Variants in CDH10 observed in about 807,000 individuals in gnomAD.
The protein encoded by CDH10 is cadherin 10, also known as cadherin-10.
In CDH10, 30 loss-of-function variants were observed where a neutral mutation model predicts 73.1. The ratio of observed to expected loss-of-function variants is 0.41; its 90% CI spans 0.31 to 0.56. CDH10 has a LOEUF of 0.56. Ranked by LOEUF, CDH10 falls within the 20% of genes least tolerant of loss-of-function variation. The probability of loss-of-function intolerance (pLI) is 0.27; values close to 1 mark genes in which losing one functional copy is unlikely to be tolerated. For missense variants in CDH10, 815 were observed against 973.7 expected (o/e 0.84, Z 2.17); for synonymous variants, 345 against 348.2 (o/e 0.99, Z 0.10).
intron 2 of CDH10, among the ~76,000 whole-genome samples, chr5:24,573,112 T>C (rs1745457070): frequency 6.6e-6 from 1 of 151,668 alleles, no homozygotes; most frequent in South Asian, 2.1e-4. Context: ...TATGAGTTCA[T>C]AGAAGATAGT....
intron 1 of CDH10, among the ~76,000 whole-genome samples, chr5:24,643,720 G>T: frequency 6.6e-6 from 1 of 152,090 alleles, no homozygotes; most frequent in East Asian, 1.9e-4. Flanking sequence ...TGTACCTGTA[G>T]ACTCCCCTTT....
intron 5 of CDH10, among the ~76,000 whole-genome samples, chr5:24,523,502 GA>G (rs1043009657): frequency 6.6e-6 from 1 of 151,716 alleles, no homozygotes; most frequent in African/African-American, 2.4e-5. Flanking sequence ...CAAAACAAAA[GA>G]AAAAAACATT....
intron 11 of CDH10, among the ~76,000 whole-genome samples, chr5:24,490,643 A>G (rs1742019777): frequency 6.6e-6 from 1 of 152,116 alleles, no homozygotes; most frequent in Admixed American, 6.6e-5. Context: ...TCAAATAAAG[A>G]ACGTGGAAAT....
At chr5:24,536,780 G>C (rs936888966) in intron 3 of CDH10, among the ~76,000 whole-genome samples, 1 of 151,694 alleles carries the variant, frequency 6.6e-6, no homozygotes, top group African/African-American at 2.4e-5. Flanking sequence ...TGGTAATTCT[G>C]TATCAGTATG....
At chr5:24,635,345 A>T (rs1302534023) in intron 1 of CDH10, among the ~76,000 whole-genome samples, 1 of 152,000 alleles carries the variant, frequency 6.6e-6, no homozygotes, top group African/African-American at 2.4e-5. Context: ...ACATTACTGC[A>T]GTGTATTCAG....
intron 2 of CDH10, among the ~76,000 whole-genome samples, chr5:24,540,920 T>C (rs993115431): frequency 6.6e-6 from 1 of 151,922 alleles, no homozygotes; most frequent in African/African-American, 2.4e-5. Context: ...AATGAGATTA[T>C]GTGGATAATC....
rs760251937 is a variant in CDH10, at chr5:24,487,846, G to A, written c.2184C>T (p.Pro728=). 4 of 1,613,736 alleles carry A rather than the reference G, an allele frequency of 2.5e-6. No individual in the cohort carries two copies. The highest frequency in any genetic ancestry group is 1.3e-5 in the African/African-American group (1 of 74,876). ...CATAGGTTGCAAGTGAGTCGTAGGG[G>A]GGTGCGGTGGGGTCAAGATCATGCT... ...LKEHDLDPTA[P]PYDSLATYAY... Residue 728 remains proline (P), a synonymous_variant, in exon 12 of 12, where the codon CCC becomes CCT. Transcript: ENST00000264463.
chr5:24,577,283 A>C (rs13182163), intron 2 of CDH10, among the ~76,000 whole-genome samples: 1 of 151,952 alleles, frequency 6.6e-6, no homozygotes, highest in Non-Finnish European at 1.5e-5. Flanking sequence ...AAAGTACTAA[A>C]GTAACTGAAA....
chr5:24,519,997 T>G (rs1743256118), intron 5 of CDH10, among the ~76,000 whole-genome samples: 1 of 152,184 alleles, frequency 6.6e-6, no homozygotes, highest in African/African-American at 2.4e-5. Context: ...CCTCCCTGTG[T>G]GTTCACTTGG....
chr5:24,516,328 T>G (rs1743107196), intron 5 of CDH10, among the ~76,000 whole-genome samples: 1 of 152,166 alleles, frequency 6.6e-6, no homozygotes, highest in Non-Finnish European at 1.5e-5. Flanking sequence ...GTTACCATTT[T>G]TTTCATAATT....
intron 1 of CDH10, among the ~76,000 whole-genome samples, chr5:24,620,240 T>G (rs1355117535): frequency 6.6e-6 from 1 of 152,178 alleles, no homozygotes; most frequent in Non-Finnish European, 1.5e-5. Context: ...CTGACGTCCT[T>G]TTGTGAGCTC....
intron 8 of CDH10, among the ~76,000 whole-genome samples, chr5:24,503,539 C>T (rs1742574585): frequency 6.6e-6 from 1 of 152,158 alleles, no homozygotes; most frequent in African/African-American, 2.4e-5. Context: ...TTTCATTTTA[C>T]AATAGGCCCC....
intron 2 of CDH10, among the ~76,000 whole-genome samples, chr5:24,568,100 CTGTT>C (rs1463019722): frequency 1.3e-5 from 2 of 152,106 alleles, no homozygotes; most frequent in African/African-American, 4.8e-5. Context: ...ATCCACAAGA[CTGTT>C]TGCCTGAATT....
chr5:24,532,479 T>G (rs973694661), intron 5 of CDH10, among the ~76,000 whole-genome samples: 4 of 152,054 alleles, frequency 2.6e-5, no homozygotes, highest in Non-Finnish European at 5.9e-5. Flanking sequence ...TGAAAATTAC[T>G]GGGACTCACA....
intron 1 of CDH10, among the ~76,000 whole-genome samples, chr5:24,599,754 A>G (rs1024526231): frequency 2.6e-5 from 4 of 152,186 alleles, no homozygotes; most frequent in African/African-American, 9.6e-5. Flanking sequence ...GGATAAGCAC[A>G]GGAATCATAA....
Position 24,498,437 on chromosome 5 carries a change from G to A in CDH10, c.1476C>T (p.Phe492=), listed in dbSNP as rs2111683641. 4 of 1,603,810 alleles carry A rather than the reference G, an allele frequency of 2.5e-6. No individual in the cohort carries two copies. The highest frequency in any genetic ancestry group is 3.4e-6 in the Non-Finnish European group (4 of 1,170,886). Residue 492 remains phenylalanine (F), a synonymous_variant, in exon 9 of 12, where the codon TTC becomes TTT. Transcript: ENST00000264463. ...VNDNAPQFAV[F]YDTFVCENAR... Reference sequence around the variant, plus strand: ...CATTTTCACATACAAAAGTGTCATAGAACACAGCAAACTGTGGGGCATTGT... The same window carrying A: ...CATTTTCACATACAAAAGTGTCATAAAACACAGCAAACTGTGGGGCATTGT...
chr5:24,588,994 G>A (rs915619163), intron 2 of CDH10, among the ~76,000 whole-genome samples: 3 of 152,066 alleles, frequency 2.0e-5, no homozygotes, highest in African/African-American at 7.2e-5. Flanking sequence ...GTTGACTATT[G>A]TTTTGTTCTT....
chr5:24,565,878 G>A (rs56105978), intron 2 of CDH10, among the ~76,000 whole-genome samples: 9,990 of 152,048 alleles, frequency 0.066, 386 homozygotes, highest in Middle Eastern at 0.12. Context: ...CAATCCTGGT[G>A]CACCTTGATC....
Position 24,593,546 on chromosome 5 carries a change from C to T in CDH10, c.-56G>A, listed in dbSNP as rs1746274319. 2 of 1,009,806 alleles carry T rather than the reference C, an allele frequency of 2.0e-6. No individual in the cohort carries two copies. Among genetic ancestry groups the T allele is most frequent in the Admixed American group, 3.8e-5 (2 of 52,666 alleles). 62.6% of individuals were successfully genotyped at this position (1,009,806 alleles called of 1,614,324 possible). ...TGAAGAGAAGTGGTCCTATTTTACC[C>T]AGTTGGTTTTACTGTGTTTCAACTG... On this transcript the variant is annotated 5_prime_UTR_variant, in exon 2 of 12. Transcript: ENST00000264463.
Sources: gnomAD v4.1 joint callset for allele counts (sites outside exome capture counted in the v4.1 genomes callset) on GRCh38, gnomAD v4.1.1 for gene constraint, MANE v1.5 for transcripts, NCBI Gene and HGNC (gene_info 2026-07-23, HGNC 2026-07-21) for gene names.